MTRES1: variants seen among roughly 807,000 people sequenced by gnomAD.
The protein encoded by MTRES1 is uncharacterized protein C6orf203.
MTRES1 carries 11 observed loss-of-function variants against 17.4 expected under a neutral mutation model. The ratio of observed to expected loss-of-function variants is 0.63; its 90% CI spans 0.40 to 1.05. The LOEUF is 1.05. MTRES1 is among the 50% of genes least tolerant of loss of function. MTRES1 has a pLI of 0.00. For synonymous variants in MTRES1, 94 were observed against 99.6 expected (o/e 0.94, Z 0.34); for missense variants, 268 against 276.2 (o/e 0.97, Z 0.21).
intron 1 of MTRES1, among the ~76,000 whole-genome samples, chr6:107,033,523 A>G (rs940431843): frequency 2.0e-5 from 3 of 152,042 alleles, no homozygotes; most frequent in Non-Finnish European, 2.9e-5. Context: ...ACCAGTTTCA[A>G]AGTCCTGAGG....
chr6:107,030,167 A>G (rs1378012755), intron 1 of MTRES1: 7 of 718,350 alleles, frequency 9.7e-6, no homozygotes, highest in African/African-American at 1.7e-5. Flanking sequence ...GCAAGAGTCA[A>G]ATTGGCAGAT....
chr6:107,049,464 A>AGTG (rs1774514567), intron 3 of MTRES1, among the ~76,000 whole-genome samples: 1 of 123,092 alleles, frequency 8.1e-6, no homozygotes. Context: ...CCCAGGCTGG[A>AGTG]GTGCAGTGGC....
At chr6:107,040,375 T>A in intron 2 of MTRES1, 145 bp downstream of exon 2, 1 of 635,774 alleles carries the variant, frequency 1.6e-6, no homozygotes, top group Non-Finnish European at 2.4e-6. Context: ...TTATTTCATT[T>A]TATAGATGAG....
At chr6:107,043,333 CAAA>C (rs1159443213) in intron 2 of MTRES1, among the ~76,000 whole-genome samples, 1 of 125,212 alleles carries the variant, frequency 8.0e-6, no homozygotes. Context: ...GACTCCATCT[CAAA>C]AAAAAAAAAA....
Position 107,039,834 on chromosome 6 carries a change from T to C in MTRES1, c.74T>C (p.Val25Ala), listed in dbSNP as rs138432966. ...KPDAWIGLWG[V>A]LRGTPSSYKL... is the part of the protein sequence containing the mutation. ...GATGCCTGGATTGGACTCTGGGGTG[T>C]TCTCCGAGGGACACCTTCATCATAC... Residue 25 changes from valine to alanine, a missense_variant, in exon 2 of 4, where the codon GTT (valine) becomes GCT (alanine). Coordinates refer to ENST00000311381, the MANE Select transcript of MTRES1 (RefSeq NM_016487.5). 27 of 1,614,036 alleles carry C rather than the reference T, an allele frequency of 1.7e-5. No individual in the cohort carries two copies. The African/African-American group carries it at 3.6e-4, about 22-fold the overall frequency.
chr6:107,040,005 TA>T lies in MTRES1; in HGVS notation c.247del (p.Arg83AspfsTer6). ...LSPECIFPFS[V>X]RLKSNIRSTK... ...CCAGAATGTATTTTTCCTTTTTCCGTAAGACTCAAAAGTAATATAAGGTCTA... is the reference window on the plus strand; with the variant it reads ...CCAGAATGTATTTTTCCTTTTTCCGTAGACTCAAAAGTAATATAAGGTCTA... On this transcript the variant is annotated frameshift_variant, in exon 2 of 4. Coordinates refer to ENST00000311381, the MANE Select transcript of MTRES1 (RefSeq NM_016487.5). LOFTEE classifies it high-confidence loss of function. 6.2e-7 allele frequency: 1 copy of T among 1,613,680 alleles called. No individual in the cohort carries two copies. The highest frequency in any genetic ancestry group is 2.2e-5 in the East Asian group (1 of 44,876).
chr6:107,035,284 C>G (rs1326497816), intron 1 of MTRES1, among the ~76,000 whole-genome samples: 1 of 151,996 alleles, frequency 6.6e-6, no homozygotes, highest in Non-Finnish European at 1.5e-5. Context: ...CAGGCACGCA[C>G]CACCATGCCC....
intron 1 of MTRES1, among the ~76,000 whole-genome samples, chr6:107,037,014 A>T (rs1473322068): frequency 6.6e-6 from 1 of 152,104 alleles, no homozygotes; most frequent in African/African-American, 2.4e-5. Flanking sequence ...TCCTGGGCTC[A>T]AGCAGTCCTC....
rs1425686038 is a variant in MTRES1, at chr6:107,051,355, T to G, written c.*119T>G. The G allele has an allele frequency of 1.5e-5, 14 of 939,634 alleles. No individual in the cohort carries two copies. The highest frequency in any genetic ancestry group is 2.0e-5 in the Non-Finnish European group (13 of 642,240). The allele number at this position is 939,634 out of a possible 1,614,324, so 58.2% of individuals were successfully genotyped here. ...AGCGTTTGTGGAATCTGCCGAGCCA[T>G]TTTGTGGAAATTGGGATCCATATCT... On this transcript the variant is annotated 3_prime_UTR_variant, in exon 4 of 4. Transcript: ENST00000311381.
intron 3 of MTRES1, among the ~76,000 whole-genome samples, chr6:107,046,352 G>C (rs1554228374): frequency 1.6e-5 from 1 of 61,732 alleles, no homozygotes. Context: ...CCCCCGTTTT[G>C]TGATGTTGTT....
chr6:107,042,815 G>A (rs558538231), intron 2 of MTRES1, among the ~76,000 whole-genome samples: 32 of 152,174 alleles, frequency 2.1e-4, no homozygotes, highest in African/African-American at 7.2e-4. Flanking sequence ...TGGGAGTCAG[G>A]TGGAGTACCC....
chr6:107,029,125 A>G lies in MTRES1; in HGVS notation c.-13+854A>G, dbSNP rs868942578. ...ACTGCAAGCTCCGCCTCCCAGGTTC[A>G]CGCCATTCTCCTGCCTCAGCCTCCC... is the stretch of plus-strand genomic sequence containing the variant. On this transcript the variant is annotated intron_variant, in intron 1 of 3. Transcript: ENST00000311381. Among the ~76,000 whole-genome samples the G allele has an allele frequency of 3.5e-3, 523 of 149,782 alleles. 4 individuals carry two copies. The highest frequency in any genetic ancestry group is 0.012 in the African/African-American group (487 of 40,400).
At chr6:107,046,442 G>T (rs1165730051) in intron 3 of MTRES1, among the ~76,000 whole-genome samples, 1 of 151,886 alleles carries the variant, frequency 6.6e-6, no homozygotes, top group African/African-American at 2.4e-5. Flanking sequence ...TCTTGTGAGG[G>T]TCAGCAAAGG....
chr6:107,030,686 A>G (rs1421281645), intron 1 of MTRES1, among the ~76,000 whole-genome samples: 2 of 152,190 alleles, frequency 1.3e-5, no homozygotes. Flanking sequence ...CCGCCCAGAA[A>G]AAAAGCAGGT....
chr6:107,030,939 A>G (rs1440285144), intron 1 of MTRES1, among the ~76,000 whole-genome samples: 17 of 152,214 alleles, frequency 1.1e-4, no homozygotes, highest in Non-Finnish European at 2.1e-4. Flanking sequence ...GTTGGCATAT[A>G]GGTGGTATTT....
rs1321840662 is a variant in MTRES1 at position 107,047,209 on chromosome 6, A to AT, written c.543+2887dup. Among the ~76,000 whole-genome samples the AT allele has an allele frequency of 1.3e-3, 188 of 149,172 alleles. 1 individual carries two copies. Among genetic ancestry groups the AT allele is most frequent in the African/African-American group, 4.1e-3 (168 of 40,688 alleles). ...ACACAGAGTATCCTTTTCTTTGTAT[A>AT]TTTTTTTTTTCTTTTTCTTTATTTT... is the stretch of plus-strand genomic sequence containing the variant. On this transcript the variant is annotated intron_variant, in intron 3 of 3. Coordinates refer to ENST00000311381, the MANE Select transcript of MTRES1 (RefSeq NM_016487.5).
chr6:107,030,445 G>A (rs983772190), intron 1 of MTRES1, among the ~76,000 whole-genome samples: 4 of 152,136 alleles, frequency 2.6e-5, no homozygotes, highest in African/African-American at 9.7e-5. Context: ...ATAGCAAAAG[G>A]ATACAAAGCA....
At chr6:107,038,908 G>T (rs1261631992) in intron 1 of MTRES1, among the ~76,000 whole-genome samples, 2 of 152,028 alleles carry the variant, frequency 1.3e-5, no homozygotes, top group African/African-American at 2.4e-5. Flanking sequence ...TACAAAATTA[G>T]CTGGACGTGG....
intron 1 of MTRES1, among the ~76,000 whole-genome samples, chr6:107,036,425 C>G (rs570536079): frequency 1.3e-5 from 2 of 152,168 alleles, no homozygotes; most frequent in East Asian, 3.9e-4. Context: ...TGCCTGTAAT[C>G]GCAGCTGCTC....
Sources: allele counts gnomAD v4.1 joint callset (sites outside exome capture counted in the v4.1 genomes callset), GRCh38; gene constraint gnomAD v4.1.1; transcripts MANE v1.5; gene names NCBI Gene and HGNC (gene_info 2026-07-23, HGNC 2026-07-21).